The following ZNF165 variants were observed in gnomAD, a reference collection of about 807,000 sequenced individuals.
ZNF165 encodes zinc finger protein 165, also known as cancer/testis antigen 53.
A neutral mutation model predicts 19.6 loss-of-function variants in ZNF165; 14 were observed. The observed-to-expected ratio is 0.71, with a 90% confidence interval of 0.47 to 1.12. The LOEUF (loss-of-function observed/expected upper bound fraction) is 1.12. ZNF165 is among the 50% of genes most tolerant of loss of function. The pLI is 0.00. For missense variants in ZNF165, 504 were observed against 566.3 expected, an observed-to-expected ratio of 0.89 and a Z score of 1.12; for synonymous variants, 165 against 195.0, an observed-to-expected ratio of 0.85 and a Z score of 1.28.
chr6:28,088,040 C>T (rs1198056315), intron 3 of ZNF165, among the ~76,000 whole-genome samples: 2 of 152,144 alleles, frequency 1.3e-5, no homozygotes, highest in Admixed American at 6.5e-5. Flanking sequence ...ACTTAGTGGA[C>T]AGTGATGACA....
Position 28,086,005 on chromosome 6 carries a change from T to C in ZNF165, c.411+114T>C. 5 of 1,502,018 alleles carry C rather than the reference T, an allele frequency of 3.3e-6. No homozygotes were observed. In the South Asian group the frequency reaches 4.9e-5, roughly 15 times the overall value. The allele number at this position is 1,502,018 out of a possible 1,614,324, so 93.0% of individuals were successfully genotyped here. A position where few individuals can be genotyped will look rare whatever the true frequency, so the allele number is the denominator to read the frequency against. ...AGGAGCTGTTGGTTCAGTGTGCATTTATGTCTCCTTTCCTGTCTGTTTGAT... is the reference window on the plus strand; with the variant it reads ...AGGAGCTGTTGGTTCAGTGTGCATTCATGTCTCCTTTCCTGTCTGTTTGAT... On this transcript the variant is annotated intron_variant, in intron 2 of 3. Coordinates refer to ENST00000683778, the MANE Select transcript of ZNF165 (RefSeq NM_001376491.1).
chr6:28,083,530 C>G (rs1429312962), intron 1 of ZNF165, among the ~76,000 whole-genome samples: 2 of 152,180 alleles, frequency 1.3e-5, no homozygotes, highest in Non-Finnish European at 2.9e-5. Context: ...TGGTTCATAC[C>G]CCTGCTTTCT....
intron 2 of ZNF165, 52 bp from the exon 3 acceptor site, chr6:28,086,120 C>A: frequency 6.4e-7 from 1 of 1,573,582 alleles, no homozygotes; most frequent in East Asian, 2.2e-5. Flanking sequence ...TGTTAGAAGA[C>A]GTTTAACACA....
At chr6:28,082,334 C>G (rs990771112) in intron 1 of ZNF165, among the ~76,000 whole-genome samples, 6 of 151,546 alleles carry the variant, frequency 4.0e-5, no homozygotes, top group African/African-American at 1.5e-4. Flanking sequence ...CATGGAGACC[C>G]TAACCCAGTG....
At position 28,086,254 on chromosome 6, in the gene ZNF165, C is replaced by T. The variant is rs1179085405; in HGVS notation, c.494C>T (p.Pro165Leu). 1 of 1,614,202 alleles carries T rather than the reference C, an allele frequency of 6.2e-7. No homozygotes were observed. Reference sequence around the variant, plus strand: ...CCAGCACTTAATGTCAAGTTACAGCCAGTGGAGACCAAGGCCCATTTTGAT... The same window carrying T: ...CCAGCACTTAATGTCAAGTTACAGCTAGTGGAGACCAAGGCCCATTTTGAT... The part of the protein sequence containing the change: ...PGPALNVKLQ[P>L]VETKAHFDSS... Residue 165 changes from proline (P) to leucine (L), a missense_variant, in exon 3 of 4, where the codon CCA (proline) becomes CTA (leucine). Coordinates refer to ENST00000683778, the MANE Select transcript of ZNF165 (RefSeq NM_001376491.1).
rs750595709 is a variant in ZNF165 at position 28,088,572 on chromosome 6, G to A, written c.560G>A (p.Ser187Asn). ...PQLLWDCDNE[S>N]ENSRSMPKLE... ...TTCTTTTTTATTTTAGATAATGAGA[G>A]TGAAAACAGTAGATCCATGCCAAAG... The change falls in exon 4 of 4, where the codon AGT (serine) becomes AAT (asparagine). Residue 187 changes from serine (S) to asparagine (N), a missense_variant. By Grantham distance (46) the Ser-to-Asn change is conservative. Transcript: ENST00000683778. 1.3e-6 allele frequency: 2 copies of A among 1,585,106 alleles called. No individual in the cohort carries two copies. The highest frequency in any genetic ancestry group is 1.7e-6 in the Non-Finnish European group (2 of 1,170,130).
Position 28,088,582 on chromosome 6 carries a change from T to C in ZNF165, c.570T>C (p.Ser190=). 6.2e-7 allele frequency: 1 copy of C among 1,606,920 alleles called. No homozygotes were observed. The stretch of plus-strand genomic sequence containing the variant: ...TTTTAGATAATGAGAGTGAAAACAG[T>C]AGATCCATGCCAAAGCTGGAAATTT... The part of the protein sequence containing the change: ...LWDCDNESEN[S]RSMPKLEIFE... Residue 190 remains serine (S), a synonymous_variant, in exon 4 of 4, where the codon AGT becomes AGC. Coordinates refer to ENST00000683778, the MANE Select transcript of ZNF165 (RefSeq NM_001376491.1).
chr6:28,086,417 C>A, intron 3 of ZNF165, 107 bp downstream of exon 3: 1 of 1,451,346 alleles, frequency 6.9e-7, no homozygotes, highest in Admixed American at 2.4e-5. Flanking sequence ...CCTTTATTAC[C>A]CAATGAAAAG....
chr6:28,089,200 G>T lies in ZNF165; in HGVS notation c.1188G>T (p.Gly396=). ...CTAGACATCGGCGAATTCACACTGG[G>T]GAAAGACCCTTTGGTTGCAAAGAAT... ...DLTRHRRIHT[G]ERPFGCKECG... Residue 396 remains glycine (G), a synonymous_variant, in exon 4 of 4, where the codon GGG becomes GGT. Coordinates refer to ENST00000683778, the MANE Select transcript of ZNF165 (RefSeq NM_001376491.1). 1 of 1,614,130 alleles carries T rather than the reference G, an allele frequency of 6.2e-7. No homozygotes were observed. Among genetic ancestry groups the T allele is most frequent in the Non-Finnish European group, 8.5e-7 (1 of 1,180,022 alleles).
chr6:28,087,838 T>C (rs1764314874), intron 3 of ZNF165, among the ~76,000 whole-genome samples: 1 of 152,132 alleles, frequency 6.6e-6, no homozygotes, highest in African/African-American at 2.4e-5. Flanking sequence ...TTCAAGGTTT[T>C]TGAGTAGGGT....
chr6:28,088,446 C>T (rs1764338403), intron 3 of ZNF165, 117 bp from the exon 4 acceptor site: 1 of 810,332 alleles, frequency 1.2e-6, no homozygotes, highest in African/African-American at 1.7e-5. Flanking sequence ...TCATTCCTCT[C>T]ATGTGAAAGG....
At chr6:28,087,446 A>G (rs755502820) in intron 3 of ZNF165, among the ~76,000 whole-genome samples, 1 of 152,124 alleles carries the variant, frequency 6.6e-6, no homozygotes, top group Non-Finnish European at 1.5e-5. Flanking sequence ...GGGTTTCACC[A>G]TGTTGGCCAG....
intron 1 of ZNF165, among the ~76,000 whole-genome samples, chr6:28,082,251 C>G (rs1235799243): frequency 6.6e-6 from 1 of 151,528 alleles, no homozygotes; most frequent in East Asian, 1.9e-4. Flanking sequence ...ATTTCATACT[C>G]TTGGAGAATT....
chr6:28,088,386 A>C (rs964554071), intron 3 of ZNF165, among the ~76,000 whole-genome samples, 177 bp from the exon 4 acceptor site: 3 of 152,164 alleles, frequency 2.0e-5, no homozygotes, highest in Non-Finnish European at 4.4e-5. Flanking sequence ...TGCAGGCATT[A>C]CTTGCTCTTA....
In ZNF165 at chr6:28,088,974, A is replaced by G. The variant is rs760544427; in HGVS notation, c.962A>G (p.Gln321Arg). The part of the protein sequence containing the change: ...QIIYAGEKNH[Q>R]YGKSFKSPKL... ...ATTTATGCTGGAGAAAAAAATCACC[A>G]ATATGGAAAATCTTTCAAGAGCCCA... The change falls in exon 4 of 4, where the codon CAA (glutamine) becomes CGA (arginine). Residue 321 changes from glutamine to arginine, a missense_variant. Transcript: ENST00000683778. The G allele has an allele frequency of 1.9e-6, 3 of 1,614,092 alleles. No homozygotes were observed.
Position 28,089,350 on chromosome 6 carries a change from C to G in ZNF165, c.1338C>G (p.His446Gln), listed in dbSNP as rs370302417. The G allele has an allele frequency of 6.2e-7, 1 of 1,614,130 alleles. No homozygotes were observed. Among genetic ancestry groups the G allele is most frequent in the Non-Finnish European group, 8.5e-7 (1 of 1,180,012 alleles). The change falls in exon 4 of 4, where the codon CAC (histidine) becomes CAG (glutamine). Residue 446 changes from histidine (H) to glutamine (Q), a missense_variant. Coordinates refer to ENST00000683778, the MANE Select transcript of ZNF165 (RefSeq NM_001376491.1). ...TFRVSSHLIR[H>Q]FRIHTGEKPY... ...GAGTGAGCTCACATCTTATTCGACA[C>G]TTTAGAATTCACACTGGAGAAAAAC...
chr6:28,084,892 T>C (rs1000403003), intron 1 of ZNF165, among the ~76,000 whole-genome samples: 1 of 152,230 alleles, frequency 6.6e-6, no homozygotes, highest in Non-Finnish European at 1.5e-5. Flanking sequence ...GCTTTGCCTC[T>C]ATAATTTTCT....
intron 3 of ZNF165, among the ~76,000 whole-genome samples, chr6:28,087,230 T>C (rs1764295650): frequency 6.6e-6 from 1 of 152,110 alleles, no homozygotes; most frequent in Non-Finnish European, 1.5e-5. Flanking sequence ...GTTAATTTTT[T>C]GGTTTGTTTG....
Position 28,086,121 on chromosome 6 carries a change from G to A in ZNF165, c.412-51G>A, listed in dbSNP as rs201172421. The A allele has an allele frequency of 3.9e-4, 615 of 1,576,138 alleles. 1 individual carries two copies. The highest frequency in any genetic ancestry group is 5.1e-4 in the Non-Finnish European group (591 of 1,165,314). ...GAGTTTCTCTTTGTTGTTAGAAGAC[G>A]TTTAACACAGGGATTCTTTTATAAG... On this transcript the variant is annotated intron_variant, in intron 2 of 3. Transcript: ENST00000683778.
Sources: allele counts gnomAD v4.1 joint callset (sites outside exome capture counted in the v4.1 genomes callset), GRCh38; gene constraint gnomAD v4.1.1; transcripts MANE v1.5; gene names NCBI Gene and HGNC (gene_info 2026-07-23, HGNC 2026-07-21).